The following HIBADH variants were observed in gnomAD, a reference collection of about 807,000 sequenced individuals.
HIBADH encodes the protein 3-hydroxyisobutyrate dehydrogenase.
Under a neutral mutation model 36.1 loss-of-function variants are expected in HIBADH, and 25 were observed. That is an observed-to-expected ratio of 0.69 (90% CI 0.50 to 0.97). The LOEUF (loss-of-function observed/expected upper bound fraction) is 0.97. Ranked by LOEUF, HIBADH falls within the 50% of genes least tolerant of loss-of-function variation. The pLI is 0.00. For synonymous variants in HIBADH, 160 were observed against 149.5 expected (o/e 1.07, Z -0.51); for missense variants, 421 against 418.0 (o/e 1.01, Z -0.06).
chr7:27,653,059 G>T (rs1287725222), intron 1 of HIBADH, among the ~76,000 whole-genome samples: 1 of 152,100 alleles, frequency 6.6e-6, no homozygotes, highest in African/African-American at 2.4e-5. Flanking sequence ...AACATAGGGG[G>T]TGGAGGATGC....
intron 4 of HIBADH, among the ~76,000 whole-genome samples, chr7:27,546,805 C>T (rs1784240447): frequency 6.6e-6 from 1 of 152,172 alleles, no homozygotes; most frequent in Admixed American, 6.5e-5. Flanking sequence ...TGTCCCTGCT[C>T]CTAAGAAGGT....
At chr7:27,610,517 T>C (rs989563685) in intron 4 of HIBADH, among the ~76,000 whole-genome samples, 1 of 152,158 alleles carries the variant, frequency 6.6e-6, no homozygotes, top group Admixed American at 6.5e-5. Context: ...ATTCATTGTG[T>C]GTAACAAAAA....
chr7:27,539,241 C>G (rs1784112188), intron 5 of HIBADH, among the ~76,000 whole-genome samples: 2 of 152,012 alleles, frequency 1.3e-5, no homozygotes, highest in Non-Finnish European at 2.9e-5. Flanking sequence ...ACTATTAGGC[C>G]CCCTGACCAG....
chr7:27,607,504 G>T (rs963163355), intron 4 of HIBADH, among the ~76,000 whole-genome samples: 1 of 151,748 alleles, frequency 6.6e-6, no homozygotes, highest in Non-Finnish European at 1.5e-5. Flanking sequence ...CCAAGACTTT[G>T]TCTCAAAAAA....
chr7:27,605,395 T>C (rs1785201198), intron 4 of HIBADH, among the ~76,000 whole-genome samples: 1 of 151,126 alleles, frequency 6.6e-6, no homozygotes, highest in Non-Finnish European at 1.5e-5. Context: ...AGGACCAACT[T>C]GCACCTTTCA....
intron 4 of HIBADH, among the ~76,000 whole-genome samples, chr7:27,600,566 A>G (rs984352842): frequency 6.6e-6 from 1 of 152,030 alleles, no homozygotes; most frequent in Non-Finnish European, 1.5e-5. Flanking sequence ...GTCAGAATAT[A>G]TTTTCAAAAG....
At chr7:27,632,548 T>G in intron 2 of HIBADH, 103 bp from the exon 3 acceptor site, 1 of 596,490 alleles carries the variant, frequency 1.7e-6, no homozygotes, top group Non-Finnish European at 2.9e-6. Context: ...ACAGTGACAG[T>G]GCATAAAGAC....
chr7:27,540,548 T>C (rs1784133692), intron 5 of HIBADH, among the ~76,000 whole-genome samples: 1 of 152,244 alleles, frequency 6.6e-6, no homozygotes, highest in Admixed American at 6.5e-5. Flanking sequence ...AGGAATTTAC[T>C]GTTAGGGGCT....
At chr7:27,563,030 T>C (rs1043297736) in intron 4 of HIBADH, among the ~76,000 whole-genome samples, 3 of 152,206 alleles carry the variant, frequency 2.0e-5, no homozygotes, top group African/African-American at 7.2e-5. Flanking sequence ...AATAATTCTC[T>C]CACCCCCAGA....
chr7:27,654,546 C>G (rs1786259897), intron 1 of HIBADH, among the ~76,000 whole-genome samples: 1 of 152,090 alleles, frequency 6.6e-6, no homozygotes, highest in Non-Finnish European at 1.5e-5. Context: ...AGTGAGAAGA[C>G]AGTGGTGCAA....
At chr7:27,542,031 A>G (rs1327714832) in intron 5 of HIBADH, among the ~76,000 whole-genome samples, 1 of 152,204 alleles carries the variant, frequency 6.6e-6, no homozygotes, top group Non-Finnish European at 1.5e-5. Flanking sequence ...GGTGCCATGT[A>G]TGGTCTATAA....
At chr7:27,632,114 G>T (rs1393116882) in intron 3 of HIBADH, among the ~76,000 whole-genome samples, 1 of 152,080 alleles carries the variant, frequency 6.6e-6, no homozygotes, top group African/African-American at 2.4e-5. Flanking sequence ...AGAGTTAAAG[G>T]AAAGAAACGG....
chr7:27,539,610 T>C (rs1328928861), intron 5 of HIBADH, among the ~76,000 whole-genome samples: 2 of 152,132 alleles, frequency 1.3e-5, no homozygotes, highest in African/African-American at 4.8e-5. Flanking sequence ...CATGGGTTAT[T>C]GCTGCGTGAT....
At chr7:27,580,762 A>G (rs1784775999) in intron 4 of HIBADH, among the ~76,000 whole-genome samples, 1 of 152,212 alleles carries the variant, frequency 6.6e-6, no homozygotes. Flanking sequence ...TGTGGAGTTT[A>G]CATTCTAGCA....
At chr7:27,656,980 A>T (rs1488869348) in intron 1 of HIBADH, among the ~76,000 whole-genome samples, 1 of 152,228 alleles carries the variant, frequency 6.6e-6, no homozygotes, top group African/African-American at 2.4e-5. Context: ...TCCGAGGTCA[A>T]GTTTCAAACT....
chr7:27,614,259 C>T (rs1000809521), intron 4 of HIBADH, among the ~76,000 whole-genome samples: 6 of 152,154 alleles, frequency 3.9e-5, no homozygotes, highest in Admixed American at 2.0e-4. Context: ...TAATCACACT[C>T]GCCACAATGG....
At position 27,645,368 on chromosome 7, in the gene HIBADH, A is replaced by ATGTTTTTTTTTTTTTTTT. The variant is rs1554300959; in HGVS notation, c.252+4104_252+4105insAAAAAAAAAAAAAAAACA. On this transcript the variant is annotated intron_variant, in intron 2 of 7. Coordinates refer to ENST00000265395, the MANE Select transcript of HIBADH (RefSeq NM_152740.4). ...CTAGTGGGTGTGTCTCATGGTTTTGATTTTTTTTTTTTTTTTTTTTTTTTT... is the reference window on the plus strand; with the variant it reads ...CTAGTGGGTGTGTCTCATGGTTTTGATGTTTTTTTTTTTTTTTTTTTTTTTTTTTTTTTTTTTTTTTTT... Among the ~76,000 whole-genome samples the ATGTTTTTTTTTTTTTTTT allele has an allele frequency of 2.4e-3, 143 of 59,642 alleles. 44 individuals are homozygous for ATGTTTTTTTTTTTTTTTT. Among genetic ancestry groups the ATGTTTTTTTTTTTTTTTT allele is most frequent in the African/African-American group, 3.6e-3 (57 of 15,864 alleles). 39.1% of individuals were successfully genotyped at this position (59,642 alleles called of 152,430 possible).
In HIBADH at chr7:27,526,351, A is replaced by G; in HGVS notation, c.874T>C (p.Ser292Pro). 1.2e-6 allele frequency: 2 copies of G among 1,612,136 alleles called. No homozygotes were observed. The highest frequency in any genetic ancestry group is 1.7e-6 in the Non-Finnish European group (2 of 1,179,144). The change falls in exon 8 of 8, where the codon TCT (serine) becomes CCT (proline). Residue 292 changes from serine to proline, a missense_variant. Physicochemically the swap from Ser to Pro is moderately conservative, Grantham distance 74 (BLOSUM62 -1). Transcript: ENST00000265395. ...ATTGGGCTCTTTGTGCTGGTAGCAG[A>G]GTCTTGTGCCAATCCCAGATCCTAA... ...MAKDLGLAQDSATSTKSPILL... is the reference protein window; with the variant it reads ...MAKDLGLAQDPATSTKSPILL...
At chr7:27,532,944 T>G (rs1784023186) in intron 6 of HIBADH, among the ~76,000 whole-genome samples, 1 of 152,190 alleles carries the variant, frequency 6.6e-6, no homozygotes, top group Non-Finnish European at 1.5e-5. Flanking sequence ...CAATTAACAA[T>G]TAGTTAATTT....
Sources: allele counts gnomAD v4.1 joint callset (sites outside exome capture counted in the v4.1 genomes callset), GRCh38; gene constraint gnomAD v4.1.1; transcripts MANE v1.5; gene names NCBI Gene and HGNC (gene_info 2026-07-23, HGNC 2026-07-21).